Variants in RNF150 observed in about 807,000 individuals in gnomAD.
RNF150 encodes ring finger protein 150.
RNF150 carries 24 observed loss-of-function variants against 39.3 expected under a neutral mutation model. That is an observed-to-expected ratio of 0.61 (90% CI 0.44 to 0.86). RNF150 has a LOEUF of 0.86. Among genes scored for constraint, RNF150 ranks in the 40% least tolerant of loss-of-function variants. The probability of loss-of-function intolerance (pLI) is 0.00; values close to 1 mark genes in which losing one functional copy is unlikely to be tolerated. For synonymous variants in RNF150, 255 were observed against 227.3 expected, an observed-to-expected ratio of 1.12 and a Z score of -1.10; for missense variants, 502 against 587.8, an observed-to-expected ratio of 0.85 and a Z score of 1.51.
In RNF150 at chr4:140,940,637, C is replaced by T. The variant is rs116539743; in HGVS notation, c.890+7017G>A. On this transcript the variant is annotated intron_variant, in intron 4 of 6. Coordinates refer to ENST00000515673, the MANE Select transcript of RNF150 (RefSeq NM_020724.2). ...AGGAACTGGCCAAAACCAGCTAGGA[C>T]CAAGATGGCAACAAGGGCAACCTCT... 9.5e-3 allele frequency among the ~76,000 whole-genome samples: 1,447 copies of T among 152,236 alleles called. 23 individuals are homozygous for T. Among genetic ancestry groups the T allele is most frequent in the African/African-American group, 0.031 (1,302 of 41,530 alleles).
At chr4:141,081,431 C>A (rs1376969171) in intron 1 of RNF150, among the ~76,000 whole-genome samples, 2 of 152,220 alleles carry the variant, frequency 1.3e-5, no homozygotes, top group Non-Finnish European at 2.9e-5. Context: ...AAGACCAGTG[C>A]TTCCATCGGA....
chr4:141,092,985 G>T (rs541901056), intron 1 of RNF150, among the ~76,000 whole-genome samples: 9 of 152,236 alleles, frequency 5.9e-5, no homozygotes, highest in Admixed American at 2.0e-4. Context: ...ATTGCCCTGA[G>T]GGCATCTACT....
chr4:141,124,807 T>C (rs1474109738), intron 1 of RNF150, among the ~76,000 whole-genome samples: 1 of 152,228 alleles, frequency 6.6e-6, no homozygotes, highest in East Asian at 1.9e-4. Context: ...TTACCTAATA[T>C]ATGTACTCAT....
rs1171164182 is a variant in RNF150, at chr4:140,886,190, C to CAAAAAAA, written c.1199-17818_1199-17812dup. On this transcript the variant is annotated intron_variant, in intron 6 of 6. Coordinates refer to ENST00000515673, the MANE Select transcript of RNF150 (RefSeq NM_020724.2). ...TGGGCAACAGAGGGCGACTCCATCA[C>CAAAAAAA]AAAAAAAAAAAAAAAAAAAAAGAAA... Among the ~76,000 whole-genome samples, 600 of 70,736 alleles carry CAAAAAAA rather than the reference C, an allele frequency of 8.5e-3. 1 individual carries two copies. Among genetic ancestry groups the CAAAAAAA allele is most frequent in the East Asian group, 0.016 (37 of 2,356 alleles). 46.4% of individuals were successfully genotyped at this position (70,736 alleles called of 152,430 possible).
chr4:141,046,456 C>A (rs1282694214), intron 1 of RNF150, among the ~76,000 whole-genome samples: 1 of 152,180 alleles, frequency 6.6e-6, no homozygotes, highest in Non-Finnish European at 1.5e-5. Flanking sequence ...TGGGAGGAAG[C>A]TGCAGAGTAG....
At chr4:141,138,330 AT>A (rs998485039), upstream of RNF150, among the ~76,000 whole-genome samples, 1 of 152,102 alleles carries the variant, frequency 6.6e-6, no homozygotes, top group Non-Finnish European at 1.5e-5. Context: ...TCAAACAGGC[AT>A]TTTTTGATGC....
chr4:141,054,336 T>C (rs1393125946), intron 1 of RNF150, among the ~76,000 whole-genome samples: 2 of 152,204 alleles, frequency 1.3e-5, no homozygotes, highest in Admixed American at 1.3e-4. Context: ...TGCATCATTT[T>C]GCACAAAGTT....
intron 1 of RNF150, among the ~76,000 whole-genome samples, chr4:140,975,994 T>A (rs555993784): frequency 6.6e-6 from 1 of 152,266 alleles, no homozygotes; most frequent in East Asian, 1.9e-4. Context: ...AATTTAAGCC[T>A]CTAGTTAACA....
intron 1 of RNF150, among the ~76,000 whole-genome samples, chr4:140,975,197 C>T (rs902249433): frequency 4.6e-5 from 7 of 152,014 alleles, no homozygotes; most frequent in African/African-American, 1.4e-4. Flanking sequence ...TCGAGGAGCC[C>T]GCAATGAGCC....
At chr4:140,998,791 T>C (rs1734474398) in intron 1 of RNF150, among the ~76,000 whole-genome samples, 1 of 152,330 alleles carries the variant, frequency 6.6e-6, no homozygotes, top group East Asian at 1.9e-4. Context: ...AGGATCTGTC[T>C]CAAATCCTTT....
intron 1 of RNF150, among the ~76,000 whole-genome samples, chr4:141,034,416 C>T (rs376355581): frequency 1.4e-4 from 21 of 152,138 alleles, no homozygotes; most frequent in African/African-American, 4.6e-4. Flanking sequence ...CTCAAACTTT[C>T]TCCATATCAG....
chr4:141,130,014 T>C (rs1726851886), intron 1 of RNF150, among the ~76,000 whole-genome samples: 1 of 152,244 alleles, frequency 6.6e-6, no homozygotes, highest in Non-Finnish European at 1.5e-5. Flanking sequence ...TTTTCTGGTA[T>C]GGTATCCCAA....
chr4:141,130,312 G>A (rs1321729495), intron 1 of RNF150, among the ~76,000 whole-genome samples: 1 of 152,226 alleles, frequency 6.6e-6, no homozygotes, highest in Non-Finnish European at 1.5e-5. Context: ...GTCTCCTAAT[G>A]TGGCAAAATG....
intron 5 of RNF150, among the ~76,000 whole-genome samples, chr4:140,917,469 C>A (rs1219693988): frequency 1.3e-5 from 2 of 152,158 alleles, no homozygotes; most frequent in Non-Finnish European, 2.9e-5. Flanking sequence ...GTAAAGGGAT[C>A]AATTCAACAA....
At chr4:140,965,836 G>A (rs940359728) in intron 2 of RNF150, among the ~76,000 whole-genome samples, 2 of 151,978 alleles carry the variant, frequency 1.3e-5, no homozygotes, top group Admixed American at 1.3e-4. Flanking sequence ...GAGATCTAAT[G>A]TAAAATGACT....
At chr4:140,870,107 A>C in intron 6 of RNF150, among the ~76,000 whole-genome samples, 1 of 152,220 alleles carries the variant, frequency 6.6e-6, no homozygotes, top group South Asian at 2.1e-4. Flanking sequence ...GTTTTCAAGG[A>C]GACAAATAAG....
intron 1 of RNF150, among the ~76,000 whole-genome samples, chr4:141,112,664 C>T (rs552984696): frequency 3.9e-5 from 6 of 152,182 alleles, no homozygotes; most frequent in East Asian, 1.9e-4. Flanking sequence ...ACATTTTTTC[C>T]TTCATTTCAA....
intron 6 of RNF150, among the ~76,000 whole-genome samples, chr4:140,889,513 C>T (rs919080588): frequency 9.2e-5 from 14 of 152,168 alleles, no homozygotes; most frequent in Admixed American, 2.6e-4. Flanking sequence ...TTTGCAATCC[C>T]TAAATGCTTC....
At chr4:141,126,920 C>T (rs1420567942) in intron 1 of RNF150, among the ~76,000 whole-genome samples, 1 of 152,112 alleles carries the variant, frequency 6.6e-6, no homozygotes, top group Middle Eastern at 3.2e-3. Flanking sequence ...AAGGCCCAAA[C>T]ATAAGGTCCC....
Sources: gnomAD v4.1 joint callset for allele counts (sites outside exome capture counted in the v4.1 genomes callset) on GRCh38, gnomAD v4.1.1 for gene constraint, MANE v1.5 for transcripts, NCBI Gene and HGNC (gene_info 2026-07-23, HGNC 2026-07-21) for gene names.